CACNA1A: variants seen among roughly 807,000 people sequenced by gnomAD.
CACNA1A encodes calcium voltage-gated channel subunit alpha1 A.
A neutral mutation model predicts 262.4 loss-of-function variants in CACNA1A; 57 were observed. That is an observed-to-expected ratio of 0.22 (90% CI 0.18 to 0.27). The LOEUF is 0.27. Ranked by LOEUF, CACNA1A falls within the 10% of genes least tolerant of loss-of-function variation. The probability of loss-of-function intolerance (pLI) is 1.00; values close to 1 mark genes in which losing one functional copy is unlikely to be tolerated. For synonymous variants in CACNA1A, 1,431 were observed against 1,419.3 expected (o/e 1.01, Z -0.18); for missense variants, 2,526 against 3,562.8 (o/e 0.71, Z 7.41).
At chr19:13,333,177 C>A (rs938223977) in intron 8 of CACNA1A, among the ~76,000 whole-genome samples, 7 of 152,120 alleles carry the variant, frequency 4.6e-5, no homozygotes. Context: ...TAAGCCCCTG[C>A]TTGATCTGAT....
chr19:13,245,385 T>C (rs2056201379), intron 30 of CACNA1A, 120 bp from the exon 31 acceptor site: 7 of 764,758 alleles, frequency 9.2e-6, no homozygotes, highest in East Asian at 7.7e-5. Flanking sequence ...GGGACAGTTA[T>C]GGTTGTTCGA....
intron 32 of CACNA1A, 35 bp from the exon 33 acceptor site, chr19:13,235,309 G>C: frequency 6.5e-7 from 1 of 1,543,896 alleles, no homozygotes; most frequent in Non-Finnish European, 8.8e-7. Context: ...AAGAGTGCTG[G>C]GGGTCCCTCA....
chr19:13,280,940 CAAAAA>C (rs59445149), intron 22 of CACNA1A, among the ~76,000 whole-genome samples: 1 of 82,380 alleles, frequency 1.2e-5, no homozygotes, highest in Non-Finnish European at 2.4e-5. Context: ...GACTCCATCT[CAAAAA>C]AAAAAAAAAA....
intron 15 of CACNA1A, among the ~76,000 whole-genome samples, chr19:13,305,400 G>A (rs1044294446): frequency 6.6e-6 from 1 of 152,084 alleles, no homozygotes; most frequent in South Asian, 2.1e-4. Flanking sequence ...AAGAACCAAG[G>A]GGATATTCAA....
Position 13,359,816 on chromosome 19 carries a change from G to A in CACNA1A, c.785-17C>T, listed in dbSNP as rs1304806645. The A allele has an allele frequency of 2.7e-6, 4 of 1,489,550 alleles. No individual in the cohort carries two copies. Among genetic ancestry groups the A allele is most frequent in the Non-Finnish European group, 3.6e-6 (4 of 1,111,154 alleles). The allele number at this position is 1,489,550 out of a possible 1,614,324, so 92.3% of individuals were successfully genotyped here. On this transcript the variant is annotated splice_polypyrimidine_tract_variant and intron_variant, in intron 5 of 46. Coordinates refer to ENST00000360228, the MANE Select transcript of CACNA1A (RefSeq NM_001127222.2). ...GAATGTCATCTACAAAAGGGAAGGG[G>A]AGAAAAGTCAGGGGAAGGAGCAGGG...
At chr19:13,374,102 A>G (rs1035172743) in intron 3 of CACNA1A, among the ~76,000 whole-genome samples, 1 of 152,182 alleles carries the variant, frequency 6.6e-6, no homozygotes, top group African/African-American at 2.4e-5. Context: ...TGGCCATGAC[A>G]GAGAGCTTGG....
At chr19:13,264,999 C>G (rs184541491) in intron 24 of CACNA1A, among the ~76,000 whole-genome samples, 2 of 151,904 alleles carry the variant, frequency 1.3e-5, no homozygotes, top group Non-Finnish European at 2.9e-5. Flanking sequence ...CTCAGCCTCC[C>G]GAATAGCTGG....
chr19:13,252,878 C>T lies in CACNA1A; in HGVS notation c.4866+113G>A, dbSNP rs2056439631. On this transcript the variant is annotated intron_variant, in intron 30 of 46. Transcript: ENST00000360228. ...GTGGCCACTGGCAGGATACTGAAGCCACCCTTGAGGTTGGGGTTCTTGGGG... is the reference window on the plus strand; with the variant it reads ...GTGGCCACTGGCAGGATACTGAAGCTACCCTTGAGGTTGGGGTTCTTGGGG... The T allele has an allele frequency of 6.3e-6, 4 of 638,576 alleles. No homozygotes were observed. The East Asian group carries it at 8.2e-5, about 13-fold the overall frequency. 39.6% of individuals were successfully genotyped at this position (638,576 alleles called of 1,614,324 possible). A position where few individuals can be genotyped will look rare whatever the true frequency, so the allele number is the denominator to read the frequency against.
intron 1 of CACNA1A, among the ~76,000 whole-genome samples, chr19:13,456,434 A>G (rs570004320): frequency 7.2e-5 from 11 of 152,290 alleles, no homozygotes; most frequent in Non-Finnish European, 1.6e-4. Context: ...GAACTTTGGG[A>G]GGCCAAGGCG....
At chr19:13,319,750 C>A (rs2058208322) in intron 10 of CACNA1A, among the ~76,000 whole-genome samples, 1 of 152,206 alleles carries the variant, frequency 6.6e-6, no homozygotes, top group South Asian at 2.1e-4. Context: ...GTTTATGGAA[C>A]ATTTAGCAGG....
Position 13,308,015 on chromosome 19 carries a change from G to C in CACNA1A, c.1913+105C>G. 1 of 1,492,180 alleles carries C rather than the reference G, an allele frequency of 6.7e-7. No individual in the cohort carries two copies. Among genetic ancestry groups the C allele is most frequent in the Non-Finnish European group, 9.2e-7 (1 of 1,087,206 alleles). 92.4% of individuals were successfully genotyped at this position (1,492,180 alleles called of 1,614,324 possible). Reference sequence around the variant, plus strand: ...CCTGCCCATTTGGGTGACCGCAATGGGTGTCTGGGCTACGAGGAAGGCAGC... The same window carrying C: ...CCTGCCCATTTGGGTGACCGCAATGCGTGTCTGGGCTACGAGGAAGGCAGC... On this transcript the variant is annotated intron_variant, in intron 14 of 46. Coordinates refer to ENST00000360228, the MANE Select transcript of CACNA1A (RefSeq NM_001127222.2). This position sits in a 1 kb window ranked among gnomAD's most constrained non-coding sequence, Gnocchi z 4.2.
At chr19:13,369,854 T>C (rs1283247442) in intron 4 of CACNA1A, among the ~76,000 whole-genome samples, 2 of 152,142 alleles carry the variant, frequency 1.3e-5, no homozygotes, top group African/African-American at 4.8e-5. Flanking sequence ...GATGCAGGCA[T>C]CTGCTGGGAT....
chr19:13,217,856 C>A (rs1402448733), intron 38 of CACNA1A, among the ~76,000 whole-genome samples: 1 of 151,308 alleles, frequency 6.6e-6, no homozygotes, highest in Non-Finnish European at 1.5e-5. Context: ...GATCTCTAAG[C>A]CTTTGAAATG....
rs2055889597 is a variant in CACNA1A at position 13,236,694 on chromosome 19, G to A, written c.4951-964C>T. 6.6e-6 allele frequency: 1 copy of A among 152,568 alleles called. No individual in the cohort carries two copies. Among genetic ancestry groups the A allele is most frequent in the African/African-American group, 2.4e-5 (1 of 41,416 alleles). The allele number at this position is 152,568 out of a possible 1,614,324, so 9.5% of individuals were successfully genotyped here. On this transcript the variant is annotated intron_variant, in intron 31 of 46. Coordinates refer to ENST00000360228, the MANE Select transcript of CACNA1A (RefSeq NM_001127222.2). The surrounding 1 kb of genome is among the most constrained non-coding windows in gnomAD (Gnocchi z 4.6). ...TCAGCCCGGGCCCACCAAGGGGCGGGTGCTGGGGGCCGGGAGGTGGGGCCA... is the reference window on the plus strand; with the variant it reads ...TCAGCCCGGGCCCACCAAGGGGCGGATGCTGGGGGCCGGGAGGTGGGGCCA...
intron 1 of CACNA1A, among the ~76,000 whole-genome samples, chr19:13,498,969 C>T (rs1004583588): frequency 9.9e-5 from 15 of 152,178 alleles, no homozygotes; most frequent in African/African-American, 3.6e-4. Flanking sequence ...ACCTAAGTTG[C>T]TGTGCCCACT....
At chr19:13,346,135 C>G (rs2058760433) in intron 6 of CACNA1A, among the ~76,000 whole-genome samples, 1 of 152,150 alleles carries the variant, frequency 6.6e-6, no homozygotes, top group African/African-American at 2.4e-5. Flanking sequence ...AACTCTTGAC[C>G]TTGTGATCCA....
chr19:13,410,395 TA>T (rs998174900), intron 3 of CACNA1A, among the ~76,000 whole-genome samples: 7 of 151,520 alleles, frequency 4.6e-5, no homozygotes, highest in Non-Finnish European at 7.4e-5. Flanking sequence ...CCCAGCTAAT[TA>T]AAAAAAAATT....
intron 3 of CACNA1A, among the ~76,000 whole-genome samples, chr19:13,429,207 C>CACACACA (rs1568635625): frequency 6.8e-6 from 1 of 146,376 alleles, no homozygotes; most frequent in Non-Finnish European, 1.5e-5. Context: ...CACACACACA[C>CACACACA]CCCTCTTTCT....
rs1247003992 is a variant in CACNA1A at position 13,208,907 on chromosome 19, T to TGCTGTC, written c.6623_6628dup (p.Arg2208_Gln2209dup). 11 of 1,536,432 alleles carry TGCTGTC rather than the reference T, an allele frequency of 7.2e-6. No homozygotes were observed. The East Asian group carries it at 1.7e-4, about 24-fold the overall frequency. Reference sequence around the variant, plus strand: ...GTGGTGGTGGTGGTGGTGGTGGTGGTGCTGTCGATGCTTCCGATCCTTGGG... The same window carrying TGCTGTC: ...GTGGTGGTGGTGGTGGTGGTGGTGGTGCTGTCGCTGTCGATGCTTCCGATCCTTGGG... On this transcript the variant is annotated inframe_insertion, in exon 46 of 47. Transcript: ENST00000360228.
Sources: allele counts gnomAD v4.1 joint callset (sites outside exome capture counted in the v4.1 genomes callset), GRCh38; gene constraint gnomAD v4.1.1; non-coding constraint Gnocchi (gnomAD v3.1); transcripts MANE v1.5; gene names NCBI Gene and HGNC (gene_info 2026-07-23, HGNC 2026-07-21).